The following PTPN13 variants were observed in gnomAD, a reference collection of about 807,000 sequenced individuals.
PTPN13 encodes the protein protein tyrosine phosphatase non-receptor type 13.
PTPN13 carries 191 observed loss-of-function variants against 284.0 expected under a neutral mutation model. The ratio of observed to expected loss-of-function variants is 0.67; its 90% CI spans 0.60 to 0.76. The LOEUF (loss-of-function observed/expected upper bound fraction) is 0.76, where lower values mean the gene tolerates loss of function less well. PTPN13 is among the 30% of genes least tolerant of loss of function. PTPN13 has a pLI of 0.00. For synonymous variants in PTPN13, 986 were observed against 1,022.3 expected, an observed-to-expected ratio of 0.96 and a Z score of 0.68; for missense variants, 2,797 against 2,939.9, an observed-to-expected ratio of 0.95 and a Z score of 1.12.
intron 33 of PTPN13, among the ~76,000 whole-genome samples, 188 bp downstream of exon 33, chr4:86,774,719 A>G (rs58431922): frequency 8.7e-6 from 1 of 114,764 alleles, no homozygotes; most frequent in African/African-American, 3.8e-5. Flanking sequence ...ATATATATAT[A>G]TATTTTTTAC....
chr4:86,709,781 A>C (rs577821709), intron 7 of PTPN13, among the ~76,000 whole-genome samples: 2 of 152,206 alleles, frequency 1.3e-5, no homozygotes, highest in East Asian at 1.9e-4. Context: ...TGTGGCTACT[A>C]TATCACACAA....
chr4:86,716,893 A>G lies in PTPN13; in HGVS notation c.1292-131A>G, dbSNP rs567308886. 58 of 660,944 alleles carry G rather than the reference A, an allele frequency of 8.8e-5. No individual in the cohort carries two copies. The East Asian group carries it at 1.5e-3, about 17-fold the overall frequency. The allele number at this position is 660,944 out of a possible 1,614,324, so 40.9% of individuals were successfully genotyped here. The stretch of plus-strand genomic sequence containing the variant: ...ATTTACCTCAAAAGAGTTTAATAAC[A>G]TTATGTCATTAATTTTGTTCTGTGG... On this transcript the variant is annotated intron_variant, in intron 8 of 47. Coordinates refer to ENST00000411767, the MANE Select transcript of PTPN13 (RefSeq NM_080683.3).
At chr4:86,638,706 G>C (rs1723360963) in intron 2 of PTPN13, among the ~76,000 whole-genome samples, 1 of 152,070 alleles carries the variant, frequency 6.6e-6, no homozygotes, top group African/African-American at 2.4e-5. Context: ...TTAAACGTTA[G>C]ACCTAAAACC....
intron 1 of PTPN13, among the ~76,000 whole-genome samples, chr4:86,616,947 G>C (rs67274037): frequency 0.17 from 25,411 of 152,104 alleles, 2,435 homozygotes; most frequent in East Asian, 0.29. Flanking sequence ...AGGACTGAAG[G>C]GGAGAGCGTG....
intron 2 of PTPN13, among the ~76,000 whole-genome samples, chr4:86,669,746 G>C (rs146626032): frequency 2.6e-3 from 397 of 152,232 alleles, no homozygotes; most frequent in Non-Finnish European, 4.7e-3. Context: ...ACAGGACAGG[G>C]ACAGGGCATA....
chr4:86,652,797 T>A lies in PTPN13; in HGVS notation c.115+17426T>A, dbSNP rs984628823. On this transcript the variant is annotated intron_variant, in intron 2 of 47. Coordinates refer to ENST00000411767, the MANE Select transcript of PTPN13 (RefSeq NM_080683.3). Reference sequence around the variant, plus strand: ...TCTTTTCATACTTGGATATTCATACTGTAGGTTTGAAGAGTTCTCTGTAAC... The same window carrying A: ...TCTTTTCATACTTGGATATTCATACAGTAGGTTTGAAGAGTTCTCTGTAAC... 2.0e-5 allele frequency among the ~76,000 whole-genome samples: 3 copies of A among 152,288 alleles called. No individual in the cohort carries two copies. The South Asian group carries it at 6.2e-4, about 32-fold the overall frequency.
chr4:86,655,975 G>A (rs1026025142), intron 2 of PTPN13, among the ~76,000 whole-genome samples: 56 of 151,826 alleles, frequency 3.7e-4, no homozygotes, highest in African/African-American at 1.1e-3. Flanking sequence ...TTCTCTTCTC[G>A]CTTCTTTTCA....
At chr4:86,650,733 G>A (rs1167802818) in intron 2 of PTPN13, among the ~76,000 whole-genome samples, 1 of 152,100 alleles carries the variant, frequency 6.6e-6, no homozygotes, top group Non-Finnish European at 1.5e-5. Flanking sequence ...TTTGCCATTG[G>A]TATAGAAATG....
chr4:86,764,741 T>A lies in PTPN13; in HGVS notation c.4149+17T>A. On this transcript the variant is annotated intron_variant, in intron 25 of 47. Coordinates refer to ENST00000411767, the MANE Select transcript of PTPN13 (RefSeq NM_080683.3). The stretch of plus-strand genomic sequence containing the variant: ...AGTGTCACGGTACTGTTTGACAAGG[T>A]TTTCAAATGTTTTCTCTTCTTTAAT... 1 of 1,586,960 alleles carries A rather than the reference T, an allele frequency of 6.3e-7. No homozygotes were observed. The highest frequency in any genetic ancestry group is 1.2e-5 in the South Asian group (1 of 83,926).
intron 15 of PTPN13, among the ~76,000 whole-genome samples, chr4:86,739,590 G>T (rs1400937407): frequency 6.6e-6 from 1 of 152,130 alleles, no homozygotes; most frequent in African/African-American, 2.4e-5. Flanking sequence ...TGAGATTTGG[G>T]TGAGGACACA....
At chr4:86,624,929 C>T (rs1253207252) in intron 1 of PTPN13, among the ~76,000 whole-genome samples, 1 of 152,080 alleles carries the variant, frequency 6.6e-6, no homozygotes, top group African/African-American at 2.4e-5. Context: ...ACAGTGAAAG[C>T]CATTCTTTGA....
chr4:86,645,354 G>T (rs1472576446), intron 2 of PTPN13, among the ~76,000 whole-genome samples: 1 of 151,984 alleles, frequency 6.6e-6, no homozygotes, highest in Non-Finnish European at 1.5e-5. Flanking sequence ...TACTTATATT[G>T]AACATTGTAT....
chr4:86,598,297 A>AC (rs1764001745), intron 1 of PTPN13, among the ~76,000 whole-genome samples: 1 of 151,854 alleles, frequency 6.6e-6, no homozygotes, highest in African/African-American at 2.4e-5. Flanking sequence ...GGCGTGTGCT[A>AC]CCACACCTGG....
At chr4:86,740,619 T>C (rs529659806) in intron 15 of PTPN13, among the ~76,000 whole-genome samples, 79 of 152,038 alleles carry the variant, frequency 5.2e-4, no homozygotes, top group African/African-American at 1.7e-3. Flanking sequence ...TTTTCCCCAT[T>C]GTCTTGGTGA....
chr4:86,812,954 G>A (rs1745409196), intron 47 of PTPN13, among the ~76,000 whole-genome samples: 1 of 152,068 alleles, frequency 6.6e-6, no homozygotes, highest in Admixed American at 6.6e-5. Flanking sequence ...TACAGCTGGA[G>A]TGGTAAGTGT....
intron 3 of PTPN13, among the ~76,000 whole-genome samples, chr4:86,680,253 G>A (rs1728722267): frequency 1.3e-5 from 2 of 152,074 alleles, no homozygotes; most frequent in Non-Finnish European, 2.9e-5. Flanking sequence ...TGTTATAACT[G>A]TATAGACAGA....
At chr4:86,796,471 CA>C (rs1743356201) in intron 40 of PTPN13, among the ~76,000 whole-genome samples, 1 of 151,158 alleles carries the variant, frequency 6.6e-6, no homozygotes, top group African/African-American at 2.4e-5. Flanking sequence ...CCCATCTCTA[CA>C]GAAAAAAAAA....
At chr4:86,753,389 G>T (rs961209173) in intron 20 of PTPN13, among the ~76,000 whole-genome samples, 2 of 151,994 alleles carry the variant, frequency 1.3e-5, no homozygotes, top group African/African-American at 4.8e-5. Context: ...ATTTTAGAGG[G>T]AAAGGAGGAT....
chr4:86,809,166 C>T (rs1744954953), intron 45 of PTPN13, among the ~76,000 whole-genome samples: 2 of 152,122 alleles, frequency 1.3e-5, no homozygotes, highest in African/African-American at 4.8e-5. Context: ...TGCAGTGACT[C>T]TGACTTTTAT....
Sources: gnomAD v4.1 joint callset for allele counts (sites outside exome capture counted in the v4.1 genomes callset) on GRCh38, gnomAD v4.1.1 for gene constraint, MANE v1.5 for transcripts, NCBI Gene and HGNC (gene_info 2026-07-23, HGNC 2026-07-21) for gene names.